The following CBFB variants were observed in gnomAD, a reference collection of about 807,000 sequenced individuals.
The protein encoded by CBFB is core-binding factor subunit beta, also known as CBF-beta.
Under a neutral mutation model 30.4 loss-of-function variants are expected in CBFB, and 9 were observed. The observed-to-expected ratio is 0.30, with a 90% CI of 0.18 to 0.52. The LOEUF (loss-of-function observed/expected upper bound fraction) is 0.52. Ranked by LOEUF, CBFB falls within the 20% of genes least tolerant of loss-of-function variation. The pLI, the probability that CBFB is intolerant of heterozygous loss-of-function variation, is 0.97. For missense variants in CBFB, 170 were observed against 244.0 expected, an observed-to-expected ratio of 0.70 and a Z score of 2.02; for synonymous variants, 94 against 84.0, an observed-to-expected ratio of 1.12 and a Z score of -0.65.
chr16:67,057,361 T>C (rs1435131814), intron 3 of CBFB, among the ~76,000 whole-genome samples: 2 of 152,232 alleles, frequency 1.3e-5, no homozygotes, highest in African/African-American at 4.8e-5. Flanking sequence ...GTCTAGGTTA[T>C]TTCTGATCAT....
chr16:67,041,762 TCTTTA>T (rs1966533784), intron 3 of CBFB, among the ~76,000 whole-genome samples: 2 of 148,640 alleles, frequency 1.3e-5, no homozygotes, highest in East Asian at 1.9e-4. Flanking sequence ...GCAGCTTGTT[TCTTTA>T]CTTTTTTTTT....
chr16:67,085,040 ATTAT>A (rs147336336), intron 5 of CBFB, among the ~76,000 whole-genome samples: 8,750 of 151,928 alleles, frequency 0.058, 747 homozygotes, highest in African/African-American at 0.19. Context: ...TATTGTTAAT[ATTAT>A]TTAAAGTATT....
At chr16:67,094,117 CTTTT>C (rs757109594) in intron 5 of CBFB, among the ~76,000 whole-genome samples, 2 of 130,586 alleles carry the variant, frequency 1.5e-5, no homozygotes, top group Admixed American at 7.7e-5. Flanking sequence ...CTTCCTCCCT[CTTTT>C]TTTTTTTTTT....
chr16:67,048,553 TTTTG>T (rs1035639280), intron 3 of CBFB, among the ~76,000 whole-genome samples: 55 of 152,156 alleles, frequency 3.6e-4, no homozygotes, highest in South Asian at 1.9e-3. Flanking sequence ...GAATGGTGTT[TTTTG>T]TTTGTTTGTT....
chr16:67,084,495 G>A (rs866070364), intron 5 of CBFB, among the ~76,000 whole-genome samples: 6 of 152,104 alleles, frequency 3.9e-5, no homozygotes, highest in Admixed American at 6.6e-5. Flanking sequence ...TGGTTGCCGG[G>A]GAAATGGGGG....
intron 3 of CBFB, among the ~76,000 whole-genome samples, chr16:67,054,524 T>A (rs1015834757): frequency 6.6e-6 from 1 of 152,160 alleles, no homozygotes; most frequent in African/African-American, 2.4e-5. Context: ...GCTGTGTCCT[T>A]CGTAAGGAAA....
intron 5 of CBFB, among the ~76,000 whole-genome samples, chr16:67,083,291 T>C (rs932468842): frequency 1.3e-4 from 19 of 151,906 alleles, no homozygotes; most frequent in Admixed American, 7.9e-4. Context: ...AAGTAATCAT[T>C]ATTTTGATTT....
At chr16:67,030,837 G>A (rs1162853976) in intron 2 of CBFB, among the ~76,000 whole-genome samples, 1 of 152,104 alleles carries the variant, frequency 6.6e-6, no homozygotes, top group Non-Finnish European at 1.5e-5. Flanking sequence ...CAAGTGATCC[G>A]CCCTCCTCGA....
At chr16:67,037,239 C>T (rs927026964) in intron 3 of CBFB, among the ~76,000 whole-genome samples, 3 of 152,176 alleles carry the variant, frequency 2.0e-5, no homozygotes, top group African/African-American at 7.2e-5. Context: ...TGTATCACTC[C>T]ATTCCTAATT....
intron 4 of CBFB, among the ~76,000 whole-genome samples, chr16:67,072,014 T>C (rs147750264): frequency 8.5e-5 from 13 of 152,266 alleles, no homozygotes; most frequent in African/African-American, 3.1e-4. Flanking sequence ...CAGGCAGAAA[T>C]AACTCTTCTG....
intron 2 of CBFB, among the ~76,000 whole-genome samples, chr16:67,031,925 C>T (rs985854748): frequency 2.0e-5 from 3 of 151,350 alleles, no homozygotes; most frequent in African/African-American, 7.3e-5. Flanking sequence ...CTTCTGGGCT[C>T]AAGCGATCCT....
At chr16:67,056,668 C>T (rs769536720) in intron 3 of CBFB, among the ~76,000 whole-genome samples, 81 of 150,396 alleles carry the variant, frequency 5.4e-4, no homozygotes, top group Non-Finnish European at 8.4e-4. Context: ...AGCAGACCTG[C>T]CTGGATTCTA....
At chr16:67,083,457 GGC>G (rs1567622548) in intron 5 of CBFB, among the ~76,000 whole-genome samples, 1 of 151,844 alleles carries the variant, frequency 6.6e-6, no homozygotes. Flanking sequence ...CACCATGGCC[GGC>G]TAATTTTTGT....
At chr16:67,096,323 T>A (rs113141030) in intron 5 of CBFB, among the ~76,000 whole-genome samples, 632 of 151,248 alleles carry the variant, frequency 4.2e-3, no homozygotes, top group Non-Finnish European at 6.2e-3. Flanking sequence ...AAAAAAAAAA[T>A]AATAATAATT....
At chr16:67,043,264 G>GA (rs1966562930) in intron 3 of CBFB, among the ~76,000 whole-genome samples, 1 of 152,066 alleles carries the variant, frequency 6.6e-6, no homozygotes, top group African/African-American at 2.4e-5. Flanking sequence ...AGCGAACTCA[G>GA]AAAAAATTAG....
At chr16:67,073,235 C>G (rs1215243252) in intron 4 of CBFB, among the ~76,000 whole-genome samples, 1 of 152,114 alleles carries the variant, frequency 6.6e-6, no homozygotes, top group African/African-American at 2.4e-5. Context: ...ACTATTTCAG[C>G]TGAAATATTT....
At chr16:67,091,106 G>T (rs535836746) in intron 5 of CBFB, among the ~76,000 whole-genome samples, 2 of 152,192 alleles carry the variant, frequency 1.3e-5, no homozygotes, top group Non-Finnish European at 2.9e-5. Flanking sequence ...CTGGGAGTAT[G>T]AACTCAGACT....
chr16:67,096,320 A>T (rs73593330), intron 5 of CBFB, among the ~76,000 whole-genome samples: 9,020 of 152,088 alleles, frequency 0.059, 343 homozygotes, highest in South Asian at 0.083. Context: ...CAAAAAAAAA[A>T]AATAATAATA....
intron 2 of CBFB, among the ~76,000 whole-genome samples, chr16:67,031,388 T>G (rs1966343399): frequency 6.6e-6 from 1 of 152,234 alleles, no homozygotes; most frequent in Non-Finnish European, 1.5e-5. Context: ...GGTGCGATGA[T>G]CGTGTCATCC....
Sources: allele counts gnomAD v4.1 joint callset (sites outside exome capture counted in the v4.1 genomes callset), GRCh38; gene constraint gnomAD v4.1.1; transcripts MANE v1.5; gene names NCBI Gene and HGNC (gene_info 2026-07-23, HGNC 2026-07-21).